Variants in MYRFL observed in about 807,000 individuals in gnomAD.
The protein encoded by MYRFL is myelin regulatory factor like, also known as myelin regulatory factor-like protein.
A neutral mutation model predicts 109.4 loss-of-function variants in MYRFL; 88 were observed. The observed-to-expected ratio is 0.80, with a 90% confidence interval of 0.68 to 0.96. The LOEUF is 0.96. Among genes scored for constraint, MYRFL ranks in the 40% least tolerant of loss-of-function variants. MYRFL has a pLI of 0.00. For synonymous variants in MYRFL, 324 were observed against 320.9 expected (o/e 1.01, Z -0.10); for missense variants, 957 against 954.9 (o/e 1.00, Z -0.03).
At chr12:69,849,589 C>A (rs1674563) in intron 1 of MYRFL, among the ~76,000 whole-genome samples, 57,800 of 152,080 alleles carry the variant, frequency 0.38, 12,125 homozygotes, top group Middle Eastern at 0.57. Flanking sequence ...AAAGTTTTAA[C>A]AGCATGATCC....
Position 69,926,641 on chromosome 12 carries a change from G to T in MYRFL, c.1673G>T (p.Arg558Ile). 6.5e-7 allele frequency: 1 copy of T among 1,530,628 alleles called. No homozygotes were observed. The highest frequency in any genetic ancestry group is 8.7e-7 in the Non-Finnish European group (1 of 1,143,742). 94.8% of individuals were successfully genotyped at this position (1,530,628 alleles called of 1,614,324 possible). ...AAACTAACTAACAACCTTGAGGAAA[G>T]AATAGAAGAGTTAGAAATATGGAAC... ...LCKLTNNLEE[R>I]IEELEIWNRK... Residue 558 changes from arginine (R) to isoleucine (I), a missense_variant, in exon 14 of 25, where the codon AGA becomes ATA. Physicochemically the swap from Arg to Ile is moderately conservative, Grantham distance 97 (BLOSUM62 -3). Transcript: ENST00000552032.
rs138045875 is a variant in MYRFL, at chr12:69,899,001, T to A, written c.1182+1755T>A. 7.2e-5 allele frequency among the ~76,000 whole-genome samples: 11 copies of A among 152,348 alleles called. No homozygotes were observed. The East Asian group carries it at 2.1e-3, about 29-fold the overall frequency. ...CGAAAGTTCCATGATTCGTATTCGG[T>A]GTGAGTACCAAAAATATTAAATTTA... On this transcript the variant is annotated intron_variant, in intron 10 of 24. Coordinates refer to ENST00000552032, the MANE Select transcript of MYRFL (RefSeq NM_182530.3).
chr12:69,841,279 G>A (rs6581908), intron 1 of MYRFL, among the ~76,000 whole-genome samples: 47,199 of 152,062 alleles, frequency 0.31, 7,708 homozygotes, highest in Admixed American at 0.37. Context: ...CAAGTGACCA[G>A]CATGACCATC....
intron 1 of MYRFL, among the ~76,000 whole-genome samples, chr12:69,829,835 T>A (rs146457428): frequency 5.7e-4 from 87 of 152,322 alleles, no homozygotes; most frequent in African/African-American, 2.0e-3. Context: ...GGTTTCTGAA[T>A]TTCTGACAGA....
chr12:69,958,156 C>A, intron 23 of MYRFL, 93 bp from the exon 24 acceptor site: 1 of 1,226,380 alleles, frequency 8.2e-7, no homozygotes, highest in Non-Finnish European at 1.1e-6. Flanking sequence ...ACTTCTCCTA[C>A]AGTCATTGAG....
At position 69,903,698 on chromosome 12, in the gene MYRFL, C is replaced by A. The variant is rs1233304841; in HGVS notation, c.1237C>A (p.Gln413Lys). The A allele has an allele frequency of 1.3e-6, 2 of 1,535,772 alleles. No individual in the cohort carries two copies. Among genetic ancestry groups the A allele is most frequent in the Non-Finnish European group, 8.7e-7 (1 of 1,146,738 alleles). The change falls in exon 11 of 25, where the codon CAA (glutamine) becomes AAA (lysine). Residue 413 changes from glutamine to lysine, a missense_variant. Gln to Lys is a moderately conservative substitution (Grantham distance 53). Transcript: ENST00000552032. Reference protein sequence around the residue: ...NDSDALWQRGQVPESIVCHGR... With the variant: ...NDSDALWQRGKVPESIVCHGR... ...CAGTGATGCATTGTGGCAGCGAGGA[C>A]AAGTTCCAGAATCTATTGTCTGTCA... is the stretch of plus-strand genomic sequence containing the variant.
intron 1 of MYRFL, among the ~76,000 whole-genome samples, chr12:69,837,338 A>C (rs1289848958): frequency 6.6e-6 from 1 of 152,122 alleles, no homozygotes; most frequent in Non-Finnish European, 1.5e-5. Flanking sequence ...GCCACTGGCT[A>C]CCCAACTCCC....
rs150378914 is a variant in MYRFL, at chr12:69,932,080, G to T, written c.1831-433G>T. On this transcript the variant is annotated intron_variant, in intron 15 of 24. Transcript: ENST00000552032. ...AAAAACCTTTTTCATAATTTGTCATGATACCCGAAATCATTCCATTGGAAT... is the reference window on the plus strand; with the variant it reads ...AAAAACCTTTTTCATAATTTGTCATTATACCCGAAATCATTCCATTGGAAT... 5.9e-5 allele frequency among the ~76,000 whole-genome samples: 9 copies of T among 152,240 alleles called. No homozygotes were observed. The East Asian group carries it at 1.7e-3, about 29-fold the overall frequency.
chr12:69,864,454 T>A (rs1216312906), intron 2 of MYRFL, among the ~76,000 whole-genome samples: 1 of 152,124 alleles, frequency 6.6e-6, no homozygotes, highest in Non-Finnish European at 1.5e-5. Context: ...CACCTCAGCA[T>A]ACCTGCAAAT....
At chr12:69,855,236 C>A (rs779922071) in intron 1 of MYRFL, 44 bp from the exon 2 acceptor site, 15 of 694,006 alleles carry the variant, frequency 2.2e-5, no homozygotes, top group African/African-American at 3.5e-5. Context: ...ATTGGCCATA[C>A]TGAAATCTTC....
In MYRFL at chr12:69,949,831, A is replaced by C. The variant is rs1955933359; in HGVS notation, c.2225-2282A>C. On this transcript the variant is annotated intron_variant, in intron 19 of 24. Coordinates refer to ENST00000552032, the MANE Select transcript of MYRFL (RefSeq NM_182530.3). ...ACATTTCACATTTTCCCAGAATAGC[A>C]AAATTGTGGACTCTGGAATTAGATG... is the stretch of plus-strand genomic sequence containing the variant. Among the ~76,000 whole-genome samples, 7 of 152,238 alleles carry C rather than the reference A, an allele frequency of 4.6e-5. No individual in the cohort carries two copies. In the South Asian group the frequency reaches 1.5e-3, roughly 32 times the overall value.
At chr12:69,918,272 C>G (rs1265902192) in intron 13 of MYRFL, among the ~76,000 whole-genome samples, 1 of 152,016 alleles carries the variant, frequency 6.6e-6, no homozygotes, top group Non-Finnish European at 1.5e-5. Context: ...TATGGACTTT[C>G]AAGTTTGTAT....
intron 2 of MYRFL, among the ~76,000 whole-genome samples, chr12:69,860,439 C>A (rs1228778444): frequency 6.6e-6 from 1 of 151,972 alleles, no homozygotes; most frequent in Non-Finnish European, 1.5e-5. Flanking sequence ...TATCTTTTGC[C>A]ATCCTTTAAT....
chr12:69,853,518 G>C (rs1429395562), intron 1 of MYRFL, among the ~76,000 whole-genome samples: 1 of 151,068 alleles, frequency 6.6e-6, no homozygotes, highest in African/African-American at 2.4e-5. Flanking sequence ...TCCCAGACGG[G>C]GCGGCGGGGC....
intron 7 of MYRFL, among the ~76,000 whole-genome samples, 165 bp from the exon 8 acceptor site, chr12:69,893,599 C>T (rs1212539884): frequency 1.3e-5 from 2 of 152,110 alleles, no homozygotes; most frequent in African/African-American, 4.8e-5. Flanking sequence ...CAGAATACCA[C>T]GTTAAGGTAG....
chr12:69,844,025 G>A (rs74101347), intron 1 of MYRFL, among the ~76,000 whole-genome samples: 3,212 of 152,292 alleles, frequency 0.021, 115 homozygotes, highest in African/African-American at 0.073. Context: ...AGAGCAAAGC[G>A]ATTATTTTTA....
chr12:69,945,763 G>A (rs1378692888), intron 19 of MYRFL, among the ~76,000 whole-genome samples: 8 of 151,498 alleles, frequency 5.3e-5, no homozygotes, highest in African/African-American at 1.5e-4. Context: ...CGAGGCGGGC[G>A]GATCACGAGG....
chr12:69,848,236 C>T (rs1422666583), intron 1 of MYRFL, among the ~76,000 whole-genome samples: 2 of 151,808 alleles, frequency 1.3e-5, no homozygotes, highest in East Asian at 3.9e-4. Flanking sequence ...GGTAAATATC[C>T]CTTTTTTACT....
intron 1 of MYRFL, among the ~76,000 whole-genome samples, chr12:69,836,207 T>C (rs1228026084): frequency 6.6e-6 from 1 of 152,186 alleles, no homozygotes; most frequent in Admixed American, 6.5e-5. Flanking sequence ...GTGGGTCCAT[T>C]CCTCTTGACG....
Sources: allele counts gnomAD v4.1 joint callset (sites outside exome capture counted in the v4.1 genomes callset), GRCh38; gene constraint gnomAD v4.1.1; transcripts MANE v1.5; gene names NCBI Gene and HGNC (gene_info 2026-07-23, HGNC 2026-07-21).